Variants in ORC4 observed in about 807,000 individuals in gnomAD.
ORC4 encodes the protein origin recognition complex, subunit 4 homolog.
A neutral mutation model predicts 63.9 loss-of-function variants in ORC4; 55 were observed. That is an observed-to-expected ratio of 0.86 (90% confidence interval 0.69 to 1.08). ORC4 has a LOEUF of 1.08. ORC4 is among the 50% of genes least tolerant of loss of function. ORC4 has a pLI of 0.00. For synonymous variants in ORC4, 150 were observed against 168.5 expected, an observed-to-expected ratio of 0.89 and a Z score of 0.85; for missense variants, 511 against 504.4, an observed-to-expected ratio of 1.01 and a Z score of -0.13.
At chr2:147,977,195 G>A (rs1385497546) in intron 1 of ORC4, among the ~76,000 whole-genome samples, 1 of 152,140 alleles carries the variant, frequency 6.6e-6, no homozygotes, top group African/African-American at 2.4e-5. Flanking sequence ...GTATATAAAT[G>A]GAAGAGCCAG....
At chr2:148,009,561 A>T (rs1211073780) in intron 1 of ORC4, among the ~76,000 whole-genome samples, 1 of 152,182 alleles carries the variant, frequency 6.6e-6, no homozygotes, top group Non-Finnish European at 1.5e-5. Flanking sequence ...TCCAACACAG[A>T]AGCATCTAGA....
intron 4 of ORC4, among the ~76,000 whole-genome samples, chr2:147,963,969 C>G (rs530944701): frequency 6.6e-6 from 1 of 152,074 alleles, no homozygotes. Context: ...TACTTCCTTA[C>G]GAGATCAATT....
intron 1 of ORC4, among the ~76,000 whole-genome samples, chr2:148,018,421 A>T (rs1329456765): frequency 6.6e-6 from 1 of 152,216 alleles, no homozygotes; most frequent in Non-Finnish European, 1.5e-5. Context: ...AAACATACGT[A>T]CTCTACAAAA....
chr2:147,938,252 A>G (rs1688166107), intron 12 of ORC4, 39 bp from the exon 13 acceptor site: 1 of 1,592,540 alleles, frequency 6.3e-7, no homozygotes, highest in Non-Finnish European at 8.6e-7. Flanking sequence ...CCTTCAAATA[A>G]GCAGTGGGGA....
At chr2:147,942,354 T>C (rs1688411401) in intron 10 of ORC4, among the ~76,000 whole-genome samples, 1 of 152,138 alleles carries the variant, frequency 6.6e-6, no homozygotes, top group African/African-American at 2.4e-5. Flanking sequence ...TAAGTACTTC[T>C]TGTTTGATAT....
chr2:148,015,531 G>C, intron 1 of ORC4, among the ~76,000 whole-genome samples: 1 of 151,878 alleles, frequency 6.6e-6, no homozygotes, highest in East Asian at 1.9e-4. Context: ...AGCCAGGATG[G>C]TATCGATCTC....
At chr2:147,983,325 G>A (rs879922962) in intron 1 of ORC4, among the ~76,000 whole-genome samples, 8 of 152,306 alleles carry the variant, frequency 5.3e-5, no homozygotes, top group Admixed American at 1.3e-4. Context: ...CACTCAATGA[G>A]CCAATGGGGT....
intron 1 of ORC4, among the ~76,000 whole-genome samples, chr2:147,995,364 G>A (rs1332369613): frequency 6.6e-6 from 1 of 152,196 alleles, no homozygotes; most frequent in Admixed American, 6.5e-5. Context: ...CAGGATGTGT[G>A]TGGGGCCAAA....
At chr2:148,003,920 A>C (rs551332304) in intron 1 of ORC4, among the ~76,000 whole-genome samples, 51 of 152,344 alleles carry the variant, frequency 3.3e-4, no homozygotes, top group Middle Eastern at 6.8e-3. Flanking sequence ...GTGTCAGGAT[A>C]CAAAATCAAT....
At chr2:148,010,417 G>C (rs1452038208) in intron 1 of ORC4, among the ~76,000 whole-genome samples, 1 of 151,552 alleles carries the variant, frequency 6.6e-6, no homozygotes, top group Admixed American at 6.6e-5. Context: ...GAAAAGGGTT[G>C]TTTGGAAAGA....
intron 7 of ORC4, among the ~76,000 whole-genome samples, chr2:147,954,577 T>C (rs1244209021): frequency 6.6e-6 from 1 of 152,186 alleles, no homozygotes; most frequent in Non-Finnish European, 1.5e-5. Context: ...GTCACATATG[T>C]GGTCTATCAT....
chr2:147,940,580 C>T (rs1387179628), intron 10 of ORC4, among the ~76,000 whole-genome samples: 1 of 151,622 alleles, frequency 6.6e-6, no homozygotes, highest in East Asian at 1.9e-4. Context: ...TATATATATA[C>T]TATGGATATG....
At chr2:147,940,790 T>C (rs1217530152) in intron 10 of ORC4, among the ~76,000 whole-genome samples, 2 of 152,132 alleles carry the variant, frequency 1.3e-5, no homozygotes, top group African/African-American at 4.8e-5. Flanking sequence ...TTCTCACTGA[T>C]ATGATATGTG....
chr2:147,970,193 CAA>C lies in ORC4; in HGVS notation c.225+2544_225+2545del, dbSNP rs559373707. On this transcript the variant is annotated intron_variant, in intron 4 of 13. Transcript: ENST00000392857. ...TTATTAAGAAAACTACAAAAACTGA[CAA>C]AAGTCTTAAATAAATAGATACTCCA... Among the ~76,000 whole-genome samples, 487 of 152,128 alleles carry C rather than the reference CAA, an allele frequency of 3.2e-3. 3 individuals are homozygous for C. The highest frequency in any genetic ancestry group is 5.7e-3 in the Non-Finnish European group (390 of 67,964).
intron 1 of ORC4, among the ~76,000 whole-genome samples, chr2:147,981,385 C>G (rs1464976266): frequency 6.6e-6 from 1 of 152,188 alleles, no homozygotes; most frequent in Non-Finnish European, 1.5e-5. Context: ...TCACATTACT[C>G]AGAGTGGCAT....
intron 1 of ORC4, among the ~76,000 whole-genome samples, chr2:147,995,999 C>CA (rs1258215563): frequency 0.079 from 9,482 of 120,756 alleles, 338 homozygotes; most frequent in Middle Eastern, 0.13. Flanking sequence ...GACTCCATCT[C>CA]AAAAAAAAAA....
At chr2:147,977,506 G>A (rs994852664) in intron 1 of ORC4, among the ~76,000 whole-genome samples, 5 of 152,194 alleles carry the variant, frequency 3.3e-5, no homozygotes, top group African/African-American at 1.2e-4. Context: ...AATGGTCTTT[G>A]TGTTAGCGTT....
rs1264225584 is a variant in ORC4, at chr2:147,933,504, GTACT to G, written c.*2002_*2005del. On this transcript the variant is annotated 3_prime_UTR_variant, in exon 14 of 14. Coordinates refer to ENST00000392857, the MANE Select transcript of ORC4 (RefSeq NM_181741.4). ...AACGGTTTCATGTTTACCTCAATTG[GTACT>G]TAGTCTTAAAATCTTTCTTTATACT... 4 of 151,750 alleles carry G rather than the reference GTACT, an allele frequency of 2.6e-5. No individual in the cohort carries two copies. Among genetic ancestry groups the G allele is most frequent in the Admixed American group, 2.0e-4 (3 of 15,192 alleles). 9.4% of individuals were successfully genotyped at this position (151,750 alleles called of 1,614,324 possible).
At chr2:147,972,632 G>GT in intron 4 of ORC4, 107 bp downstream of exon 4, 1 of 551,336 alleles carries the variant, frequency 1.8e-6, no homozygotes, top group Non-Finnish European at 3.1e-6. Context: ...ATAATGAAAA[G>GT]TATTTTCAGT....
Sources: allele counts gnomAD v4.1 joint callset (sites outside exome capture counted in the v4.1 genomes callset), GRCh38; gene constraint gnomAD v4.1.1; transcripts MANE v1.5; gene names NCBI Gene and HGNC (gene_info 2026-07-23, HGNC 2026-07-21).